SDK2: variants seen among roughly 807,000 people sequenced by gnomAD.
The protein encoded by SDK2 is sidekick cell adhesion molecule 2.
Under a neutral mutation model 253.9 loss-of-function variants are expected in SDK2, and 105 were observed. The observed-to-expected ratio is 0.41, with a 90% CI of 0.35 to 0.49. The LOEUF is 0.49. Among genes scored for constraint, SDK2 ranks in the 20% least tolerant of loss-of-function variants. SDK2 has a pLI of 0.06. For synonymous variants in SDK2, 1,249 were observed against 1,234.9 expected, an observed-to-expected ratio of 1.01 and a Z score of -0.24; for missense variants, 2,608 against 3,003.0, an observed-to-expected ratio of 0.87 and a Z score of 3.07.
Position 73,398,354 on chromosome 17 carries a change from C to G in SDK2, c.3169G>C (p.Glu1057Gln). The change falls in exon 23 of 45, where the codon GAG becomes CAG. Residue 1057 changes from glutamate (E) to glutamine (Q), a missense_variant. By Grantham distance (29) the Glu-to-Gln change is conservative. Coordinates refer to ENST00000392650, the MANE Select transcript of SDK2 (RefSeq NM_001144952.2). ...LSNEPDARSM[E>Q]VPDLNPFTCY... ...GTGAAGGGGTTGAGGTCGGGCACCTCCATGGAGCGGGCATCGGGCTCATTG... is the reference window on the plus strand; with the variant it reads ...GTGAAGGGGTTGAGGTCGGGCACCTGCATGGAGCGGGCATCGGGCTCATTG... 6.2e-7 allele frequency: 1 copy of G among 1,613,974 alleles called. No homozygotes were observed. Among genetic ancestry groups the G allele is most frequent in the Non-Finnish European group, 8.5e-7 (1 of 1,179,866 alleles).
intron 21 of SDK2, 54 bp from the exon 22 acceptor site, chr17:73,399,343 GTTGAACGGGA>G: frequency 6.2e-7 from 1 of 1,604,516 alleles, no homozygotes; most frequent in African/African-American, 1.3e-5. Flanking sequence ...GGCCCCCCAT[GTTGAACGGGA>G]CTGTTGGGCA....
At chr17:73,419,396 A>ACT in intron 15 of SDK2, 90 bp from the exon 16 acceptor site, 1 of 1,428,348 alleles carries the variant, frequency 7.0e-7, no homozygotes, top group Non-Finnish European at 9.6e-7. Flanking sequence ...GCCTGCTCTG[A>ACT]CTCTGGATAA....
At chr17:73,492,556 C>T (rs2063813107) in intron 2 of SDK2, among the ~76,000 whole-genome samples, 1 of 152,174 alleles carries the variant, frequency 6.6e-6, no homozygotes, top group African/African-American at 2.4e-5. Context: ...TTCTGTTTAT[C>T]TTGAGTTACA....
At chr17:73,517,123 T>G (rs2064035801) in intron 1 of SDK2, 1 of 152,214 alleles carries the variant, frequency 6.6e-6, no homozygotes, top group Non-Finnish European at 1.5e-5. Flanking sequence ...GCCCTGGCAC[T>G]GGGCACAGAG....
At chr17:73,342,090 C>T (rs2062442075) in intron 44 of SDK2, among the ~76,000 whole-genome samples, 1 of 149,310 alleles carries the variant, frequency 6.7e-6, no homozygotes, top group South Asian at 2.1e-4. Flanking sequence ...TCCCCCCAAA[C>T]CCCCCACCCC....
intron 40 of SDK2, among the ~76,000 whole-genome samples, chr17:73,353,700 A>ATTT (rs11370066): frequency 0.097 from 9,459 of 97,086 alleles, 939 homozygotes; most frequent in South Asian, 0.22. Flanking sequence ...TGCCTGGCCA[A>ATTT]TTTTTTTTTT....
intron 16 of SDK2, among the ~76,000 whole-genome samples, chr17:73,416,603 T>C (rs1267038220): frequency 1.3e-5 from 2 of 151,892 alleles, no homozygotes; most frequent in Non-Finnish European, 2.9e-5. Flanking sequence ...TTTATTTTAT[T>C]TTTTTAGATG....
At chr17:73,466,721 C>CCCCA (rs1567789274) in intron 3 of SDK2, among the ~76,000 whole-genome samples, 1 of 146,126 alleles carries the variant, frequency 6.8e-6, no homozygotes, top group Non-Finnish European at 1.5e-5. Context: ...GAACGCCCCC[C>CCCCA]CCCCCCGGCT....
chr17:73,533,027 C>T (rs1008355781), intron 1 of SDK2, among the ~76,000 whole-genome samples: 3 of 152,228 alleles, frequency 2.0e-5, no homozygotes, highest in Admixed American at 6.5e-5. Flanking sequence ...CTCTCTCTTC[C>T]TCTCCAGCCG....
At chr17:73,394,377 G>A (rs1216775043) in intron 25 of SDK2, 53 bp from the exon 26 acceptor site, 3 of 1,264,822 alleles carry the variant, frequency 2.4e-6, no homozygotes, top group Non-Finnish European at 3.2e-6. Context: ...CGTTGACTGT[G>A]CAAGGGAAGT....
chr17:73,370,752 T>C (rs1008349335), intron 36 of SDK2, among the ~76,000 whole-genome samples: 4 of 151,958 alleles, frequency 2.6e-5, no homozygotes, highest in South Asian at 4.2e-4. Flanking sequence ...ATTTCTTTTG[T>C]AGTGATTTCT....
At chr17:73,580,166 G>A (rs2045514800) in intron 1 of SDK2, among the ~76,000 whole-genome samples, 1 of 152,132 alleles carries the variant, frequency 6.6e-6, no homozygotes, top group Non-Finnish European at 1.5e-5. Flanking sequence ...GGCCATCCTA[G>A]CAAATGAAAA....
At chr17:73,617,197 G>A (rs1230930215) in intron 1 of SDK2, among the ~76,000 whole-genome samples, 1 of 147,222 alleles carries the variant, frequency 6.8e-6, no homozygotes, top group South Asian at 2.2e-4. Context: ...GGAGGGGAGG[G>A]GCCTCCTGCA....
intron 12 of SDK2, among the ~76,000 whole-genome samples, chr17:73,430,301 C>A (rs1237613602): frequency 1.3e-5 from 2 of 152,210 alleles, no homozygotes; most frequent in Non-Finnish European, 2.9e-5. Context: ...TGGAAACTGG[C>A]TTAACTCAAT....
intron 2 of SDK2, among the ~76,000 whole-genome samples, chr17:73,497,899 G>A (rs759962357): frequency 2.6e-5 from 4 of 152,138 alleles, no homozygotes; most frequent in Non-Finnish European, 5.9e-5. Flanking sequence ...TTGGCCACGT[G>A]GACCTTCTTT....
chr17:73,540,328 G>T (rs1315439377), intron 1 of SDK2, among the ~76,000 whole-genome samples: 1 of 152,294 alleles, frequency 6.6e-6, no homozygotes, highest in East Asian at 1.9e-4. Flanking sequence ...CAAATCCCAG[G>T]AGTGAATTCC....
intron 1 of SDK2, among the ~76,000 whole-genome samples, chr17:73,571,454 G>T (rs548639729): frequency 6.6e-6 from 1 of 152,278 alleles, no homozygotes; most frequent in African/African-American, 2.4e-5. Context: ...GTCACTCAGG[G>T]AGCTCGGTGG....
intron 1 of SDK2, among the ~76,000 whole-genome samples, chr17:73,633,903 T>C (rs905089654): frequency 1.3e-5 from 2 of 152,004 alleles, no homozygotes; most frequent in Non-Finnish European, 2.9e-5. Flanking sequence ...GAAGGTGCTA[T>C]TGGGCTGGCA....
intron 1 of SDK2, among the ~76,000 whole-genome samples, chr17:73,620,891 G>A (rs545782030): frequency 6.2e-4 from 94 of 152,230 alleles, no homozygotes; most frequent in African/African-American, 2.2e-3. Flanking sequence ...ATGGGTAAGG[G>A]GTTTCCTTTT....
Sources: allele counts gnomAD v4.1 joint callset (sites outside exome capture counted in the v4.1 genomes callset), GRCh38; gene constraint gnomAD v4.1.1; transcripts MANE v1.5; gene names NCBI Gene and HGNC (gene_info 2026-07-23, HGNC 2026-07-21).